Variants in DDX60L observed in about 807,000 individuals in gnomAD.
DDX60L encodes the protein probable ATP-dependent RNA helicase DDX60-like.
Under a neutral mutation model 211.6 loss-of-function variants are expected in DDX60L, and 191 were observed. The ratio of observed to expected loss-of-function variants is 0.90; its 90% CI spans 0.80 to 1.02. The LOEUF is 1.02. Among genes scored for constraint, DDX60L ranks in the 50% least tolerant of loss-of-function variants. DDX60L has a pLI of 0.00. For synonymous variants in DDX60L, 706 were observed against 694.1 expected, an observed-to-expected ratio of 1.02 and a Z score of -0.27; for missense variants, 2,007 against 1,984.1, an observed-to-expected ratio of 1.01 and a Z score of -0.22.
At chr4:168,441,769 A>G (rs1753874044) in intron 9 of DDX60L, among the ~76,000 whole-genome samples, 1 of 152,132 alleles carries the variant, frequency 6.6e-6, no homozygotes, top group Non-Finnish European at 1.5e-5. Context: ...GGATCGCTTG[A>G]GCCCAAGAGT....
intron 10 of DDX60L, among the ~76,000 whole-genome samples, chr4:168,440,301 T>C (rs1753642538): frequency 6.6e-6 from 1 of 152,042 alleles, no homozygotes; most frequent in Admixed American, 6.5e-5. Flanking sequence ...AAGGTGGGAG[T>C]TTAACTTGGA....
At chr4:168,438,092 C>A (rs1301986126) in intron 10 of DDX60L, among the ~76,000 whole-genome samples, 1 of 152,122 alleles carries the variant, frequency 6.6e-6, no homozygotes, top group Non-Finnish European at 1.5e-5. Context: ...CCAGGATGGT[C>A]TCGATCTCCT....
At chr4:168,423,837 G>T in intron 14 of DDX60L, 63 bp from the exon 15 acceptor site, 2 of 1,064,152 alleles carry the variant, frequency 1.9e-6, no homozygotes, top group Non-Finnish European at 2.7e-6. Flanking sequence ...GATCACTTAC[G>T]ACAATCATTG....
intron 35 of DDX60L, 22 bp from the exon 36 acceptor site, chr4:168,371,785 T>C (rs1175292459): frequency 3.8e-6 from 6 of 1,578,850 alleles, no homozygotes; most frequent in Admixed American, 1.7e-5. Flanking sequence ...CATTTTCTAT[T>C]ACTTCATTAC....
At chr4:168,373,000 A>C (rs537902203) in intron 35 of DDX60L, among the ~76,000 whole-genome samples, 50 of 152,278 alleles carry the variant, frequency 3.3e-4, no homozygotes, top group Non-Finnish European at 6.2e-4. Context: ...CAGCTATTAA[A>C]ATTTTGGTTA....
rs376165475 is a variant in DDX60L, at chr4:168,400,586, T to C, written c.3491+240A>G. Among the ~76,000 whole-genome samples, 23 of 152,262 alleles carry C rather than the reference T, an allele frequency of 1.5e-4. No homozygotes were observed. In the East Asian group the frequency reaches 4.5e-3, roughly 29 times the overall value. ...GCTGAGGGCCTCCTAGGAGGCCCAG[T>C]TGACCCTTAGGCTTACAGGCTGTAG... On this transcript the variant is annotated intron_variant, in intron 26 of 37. Transcript: ENST00000682922.
intron 10 of DDX60L, 34 bp downstream of exon 10, chr4:168,441,303 G>C: frequency 6.5e-7 from 1 of 1,542,026 alleles, no homozygotes. Flanking sequence ...GGACAAACAT[G>C]CTTTTGTTCC....
chr4:168,409,098 A>G (rs1748240520), intron 22 of DDX60L, among the ~76,000 whole-genome samples: 1 of 152,204 alleles, frequency 6.6e-6, no homozygotes, highest in Non-Finnish European at 1.5e-5. Flanking sequence ...GTCTTATATA[A>G]ATGCACACCT....
Position 168,423,847 on chromosome 4 carries a change from G to C in DDX60L, c.1931-73C>G. 3.0e-6 allele frequency: 3 copies of C among 984,618 alleles called. No individual in the cohort carries two copies. In the South Asian group the frequency reaches 5.4e-5, roughly 18 times the overall value. 61.0% of individuals were successfully genotyped at this position (984,618 alleles called of 1,614,324 possible). A position where few individuals can be genotyped will look rare whatever the true frequency, so the allele number is the denominator to read the frequency against. The stretch of plus-strand genomic sequence containing the variant: ...TGGTTGATCACTTACGACAATCATT[G>C]AGTTAATCAATTAACCTCATGTGAT... On this transcript the variant is annotated intron_variant, in intron 14 of 37. Coordinates refer to ENST00000682922, the MANE Select transcript of DDX60L (RefSeq NM_001012967.3).
At chr4:168,394,073 T>A (rs565317278) in intron 28 of DDX60L, among the ~76,000 whole-genome samples, 1 of 152,130 alleles carries the variant, frequency 6.6e-6, no homozygotes, top group East Asian at 1.9e-4. Flanking sequence ...TGCGCGCTTG[T>A]AATCCCAGCT....
intron 36 of DDX60L, among the ~76,000 whole-genome samples, chr4:168,364,939 A>G (rs1237973098): frequency 2.6e-5 from 4 of 152,236 alleles, no homozygotes; most frequent in Non-Finnish European, 5.9e-5. Flanking sequence ...CAACAGATCA[A>G]TAAGCAAATT....
At position 168,357,122 on chromosome 4, in the gene DDX60L, C is replaced by T. The variant is rs866172984; in HGVS notation, c.*1025G>A. 3 of 152,110 alleles carry T rather than the reference C, an allele frequency of 2.0e-5. No individual in the cohort carries two copies. The highest frequency in any genetic ancestry group is 4.1e-4 in the South Asian group (2 of 4,826). 9.4% of individuals were successfully genotyped at this position (152,110 alleles called of 1,614,324 possible). ...GCAGAAACAATCTGAATTCCATATT[C>T]GGGTTCACAGGGTATATATATTTTT... is the stretch of plus-strand genomic sequence containing the variant. On this transcript the variant is annotated 3_prime_UTR_variant, in exon 38 of 38. Coordinates refer to ENST00000682922, the MANE Select transcript of DDX60L (RefSeq NM_001012967.3).
At chr4:168,412,582 G>A (rs961040920) in intron 22 of DDX60L, among the ~76,000 whole-genome samples, 4 of 152,114 alleles carry the variant, frequency 2.6e-5, no homozygotes, top group Non-Finnish European at 5.9e-5. Flanking sequence ...CTGGACCCAC[G>A]TGAGATCCGG....
chr4:168,424,742 T>C (rs1341582627), intron 14 of DDX60L, among the ~76,000 whole-genome samples: 2 of 152,078 alleles, frequency 1.3e-5, no homozygotes, highest in African/African-American at 4.8e-5. Context: ...AGAACATCTG[T>C]AGCAGAAACT....
At chr4:168,362,375 G>A (rs374786862) in intron 36 of DDX60L, among the ~76,000 whole-genome samples, 11 of 152,280 alleles carry the variant, frequency 7.2e-5, no homozygotes, top group African/African-American at 2.6e-4. Context: ...ACATATGCCT[G>A]CACTCAAACC....
intron 19 of DDX60L, among the ~76,000 whole-genome samples, 154 bp downstream of exon 19, chr4:168,419,148 G>A (rs748643134): frequency 1.3e-5 from 2 of 152,160 alleles, no homozygotes; most frequent in African/African-American, 4.8e-5. Context: ...TCTAAAAATT[G>A]TACTAACGTG....
Position 168,423,694 on chromosome 4 carries a change from A to C in DDX60L, c.2011T>G (p.Leu671Val), listed in dbSNP as rs1311097638. The C allele has an allele frequency of 6.2e-7, 1 of 1,608,022 alleles. No individual in the cohort carries two copies. The highest frequency in any genetic ancestry group is 8.5e-7 in the Non-Finnish European group (1 of 1,177,306). ...ATATATTGATGATGTTCTGCTTCCA[A>C]AATTTCTGGGTATCTCTCCAGGAGT... ...HSLLERYPEI[L>V]EAEHHQYIAK... Residue 671 changes from leucine to valine, a missense_variant, in exon 15 of 38, where the codon TTG becomes GTG. Transcript: ENST00000682922.
intron 29 of DDX60L, among the ~76,000 whole-genome samples, chr4:168,387,844 C>T (rs898754202): frequency 1.3e-4 from 20 of 152,184 alleles, no homozygotes; most frequent in Admixed American, 7.2e-4. Flanking sequence ...TCCTATTTCA[C>T]TTAATCCTCA....
At chr4:168,443,549 A>C (rs1227997593) in intron 9 of DDX60L, among the ~76,000 whole-genome samples, 1 of 152,118 alleles carries the variant, frequency 6.6e-6, no homozygotes, top group East Asian at 1.9e-4. Flanking sequence ...ACTCCTCGAG[A>C]AGAGCAACTC....
Sources: gnomAD v4.1 joint callset for allele counts (sites outside exome capture counted in the v4.1 genomes callset) on GRCh38, gnomAD v4.1.1 for gene constraint, MANE v1.5 for transcripts, NCBI Gene and HGNC (gene_info 2026-07-23, HGNC 2026-07-21) for gene names.